TMEM45B: variants seen among roughly 807,000 people sequenced by gnomAD.
TMEM45B encodes transmembrane protein 45B.
In TMEM45B, 29 loss-of-function variants were observed where a neutral mutation model predicts 27.3. That is an observed-to-expected ratio of 1.06 (90% CI 0.79 to 1.45). The LOEUF (loss-of-function observed/expected upper bound fraction) is 1.45. Ranked by LOEUF, TMEM45B falls within the 40% of genes most tolerant of loss-of-function variation. The pLI is 0.00. For synonymous variants in TMEM45B, 143 were observed against 134.7 expected, an observed-to-expected ratio of 1.06 and a Z score of -0.43; for missense variants, 348 against 343.9, an observed-to-expected ratio of 1.01 and a Z score of -0.09.
intron 2 of TMEM45B, 108 bp downstream of exon 2, chr11:129,852,768 G>C: frequency 8.1e-7 from 1 of 1,240,290 alleles, no homozygotes; most frequent in Non-Finnish European, 1.1e-6. Context: ...AGAGATAATA[G>C]GGCAACAATT....
In TMEM45B at chr11:129,857,361, A is replaced by G. The variant is rs1258939247; in HGVS notation, c.619A>G (p.Lys207Glu). The stretch of plus-strand genomic sequence containing the variant: ...TTTTGGAACACCCGAATGGGACCAG[A>G]AGGATGATGCCAACCTCATGTTCAT... ...PPFGTPEWDQ[K>E]DDANLMFITM... Residue 207 changes from lysine to glutamate, a missense_variant, in exon 5 of 6, where the codon AAG (lysine) becomes GAG (glutamate). By Grantham distance (56) the Lys-to-Glu change is moderately conservative. Coordinates refer to ENST00000281441, the MANE Select transcript of TMEM45B (RefSeq NM_138788.5). The G allele has an allele frequency of 3.1e-6, 5 of 1,614,022 alleles. No individual in the cohort carries two copies. Among genetic ancestry groups the G allele is most frequent in the East Asian group, 2.2e-5 (1 of 44,888 alleles).
intron 1 of TMEM45B, among the ~76,000 whole-genome samples, chr11:129,826,662 G>A (rs1400986420): frequency 6.6e-6 from 1 of 151,260 alleles, no homozygotes; most frequent in African/African-American, 2.4e-5. Flanking sequence ...TCAGTGGCCA[G>A]TGTTCTTGTT....
At chr11:129,834,299 C>T (rs1380027522) in intron 1 of TMEM45B, among the ~76,000 whole-genome samples, 17 of 151,536 alleles carry the variant, frequency 1.1e-4, no homozygotes, top group Non-Finnish European at 1.2e-4. Context: ...GGCGTGGTGG[C>T]GTGCGCCTGT....
intron 1 of TMEM45B, among the ~76,000 whole-genome samples, chr11:129,831,567 G>A (rs1394571499): frequency 6.6e-6 from 1 of 152,190 alleles, no homozygotes; most frequent in Non-Finnish European, 1.5e-5. Context: ...GACCACAGTT[G>A]ACTGCAGGTA....
intron 1 of TMEM45B, among the ~76,000 whole-genome samples, chr11:129,821,273 T>C (rs192964558): frequency 4.0e-4 from 61 of 152,258 alleles, no homozygotes; most frequent in Middle Eastern, 3.4e-3. Context: ...CTCTGAGTGC[T>C]GCTAATTGCA....
chr11:129,855,067 G>C (rs143797092), intron 3 of TMEM45B, among the ~76,000 whole-genome samples: 2 of 152,246 alleles, frequency 1.3e-5, no homozygotes, highest in East Asian at 3.9e-4. Flanking sequence ...AACACTGCAG[G>C]AGTCCTCCTC....
At chr11:129,826,441 C>A (rs1394551591) in intron 1 of TMEM45B, among the ~76,000 whole-genome samples, 1 of 148,340 alleles carries the variant, frequency 6.7e-6, no homozygotes, top group East Asian at 2.1e-4. Flanking sequence ...CCCAGCTAAT[C>A]GGGAGGCTGA....
chr11:129,858,533 G>T, intron 5 of TMEM45B, 41 bp from the exon 6 acceptor site: 1 of 1,441,746 alleles, frequency 6.9e-7, no homozygotes, highest in Non-Finnish European at 9.6e-7. Flanking sequence ...TGGATTAAGG[G>T]AATCTCTGGC....
chr11:129,854,624 C>A lies in TMEM45B; in HGVS notation c.193C>A (p.Gln65Lys), dbSNP rs773914768. 1 of 1,614,078 alleles carries A rather than the reference C, an allele frequency of 6.2e-7. No individual in the cohort carries two copies. Among genetic ancestry groups the A allele is most frequent in the East Asian group, 2.2e-5 (1 of 44,898 alleles). Residue 65 changes from glutamine to lysine, a missense_variant, in exon 3 of 6, where the codon CAG (glutamine) becomes AAG (lysine). By Grantham distance (53) the Gln-to-Lys change is moderately conservative (BLOSUM62 1). Transcript: ENST00000281441. ...LFSVTGILAE[Q>K]FVPDGPHLHL... ...TTTCCCTGCAGGGATCCTGGCAGAG[C>A]AGTTTGTTCCGGATGGGCCCCACCT...
At chr11:129,826,152 C>G (rs1947475406) in intron 1 of TMEM45B, among the ~76,000 whole-genome samples, 2 of 152,058 alleles carry the variant, frequency 1.3e-5, no homozygotes, top group Admixed American at 1.3e-4. Context: ...CTTGCTCCAA[C>G]TTCTGCATTT....
intron 1 of TMEM45B, among the ~76,000 whole-genome samples, chr11:129,833,016 C>A (rs370937457): frequency 6.6e-6 from 1 of 151,372 alleles, no homozygotes; most frequent in African/African-American, 2.4e-5. Flanking sequence ...CCGAGGCAGG[C>A]GGATCACCTG....
intron 3 of TMEM45B, among the ~76,000 whole-genome samples, chr11:129,855,146 C>T (rs770208792): frequency 3.9e-5 from 6 of 152,178 alleles, no homozygotes; most frequent in Non-Finnish European, 8.8e-5. Context: ...CGTATGTGCG[C>T]ACATACACAT....
intron 2 of TMEM45B, 69 bp from the exon 3 acceptor site, chr11:129,854,541 T>G (rs1035854840): frequency 6.5e-5 from 98 of 1,519,290 alleles, no homozygotes; most frequent in Non-Finnish European, 1.6e-5. Flanking sequence ...TGCCTTTGGG[T>G]TATTCCTTGC....
rs1947968764 is a variant in TMEM45B at position 129,858,840 on chromosome 11, C to G, written c.*155C>G. 1.9e-6 allele frequency: 1 copy of G among 528,916 alleles called. No individual in the cohort carries two copies. Among genetic ancestry groups the G allele is most frequent in the Non-Finnish European group, 3.4e-6 (1 of 297,958 alleles). 32.8% of individuals were successfully genotyped at this position (528,916 alleles called of 1,614,324 possible). A position where few individuals can be genotyped will look rare whatever the true frequency, so the allele number is the denominator to read the frequency against. ...GGCTGGAGGTTCTACAACAGGAAAT[C>G]AGGCCTACAGCATCCTGTGTATCTT... On this transcript the variant is annotated 3_prime_UTR_variant, in exon 6 of 6. Transcript: ENST00000281441.
At chr11:129,837,821 G>A (rs985004444) in intron 1 of TMEM45B, among the ~76,000 whole-genome samples, 9 of 103,426 alleles carry the variant, frequency 8.7e-5, no homozygotes, top group Admixed American at 8.5e-4. Flanking sequence ...TTGCTTTATC[G>A]CCCAGGCTGC....
chr11:129,831,801 C>A (rs1172979090), intron 1 of TMEM45B, among the ~76,000 whole-genome samples: 1 of 152,178 alleles, frequency 6.6e-6, no homozygotes, highest in African/African-American at 2.4e-5. Flanking sequence ...GGCATGGTGG[C>A]CCATGCCTGT....
chr11:129,850,761 G>C (rs576601883), intron 1 of TMEM45B, among the ~76,000 whole-genome samples: 1 of 152,234 alleles, frequency 6.6e-6, no homozygotes, highest in South Asian at 2.1e-4. Flanking sequence ...CTAAGAACGA[G>C]GCTTTCCCCA....
At chr11:129,840,585 G>T (rs528044071) in intron 1 of TMEM45B, among the ~76,000 whole-genome samples, 1 of 152,140 alleles carries the variant, frequency 6.6e-6, no homozygotes, top group African/African-American at 2.4e-5. Context: ...TCAAAGGAGG[G>T]TTTAAAAAGA....
rs199711394 is a variant in TMEM45B, at chr11:129,852,591, A to G, written c.109A>G (p.Ser37Gly). The change falls in exon 2 of 6, where the codon AGC becomes GGC. Residue 37 changes from serine (S) to glycine (G), a missense_variant. Transcript: ENST00000281441. The part of the protein sequence containing the change: ...LKYFSHTRKN[S>G]PLHYYQRLEI... Reference sequence around the variant, plus strand: ...GTACTTTAGCCACACGCGGAAGAACAGCCCACTACATTACTATCAGCGTCT... The same window carrying G: ...GTACTTTAGCCACACGCGGAAGAACGGCCCACTACATTACTATCAGCGTCT... 24 of 1,613,928 alleles carry G rather than the reference A, an allele frequency of 1.5e-5. No homozygotes were observed. The highest frequency in any genetic ancestry group is 2.2e-5 in the East Asian group (1 of 44,884).
Sources: gnomAD v4.1 joint callset for allele counts (sites outside exome capture counted in the v4.1 genomes callset) on GRCh38, gnomAD v4.1.1 for gene constraint, MANE v1.5 for transcripts, NCBI Gene and HGNC (gene_info 2026-07-23, HGNC 2026-07-21) for gene names.